The following TYW5 variants were observed in gnomAD, a reference collection of about 807,000 sequenced individuals.
The protein encoded by TYW5 is tRNA wybutosine-synthesizing protein 5.
TYW5 carries 36 observed loss-of-function variants against 44.4 expected under a neutral mutation model. The observed-to-expected ratio is 0.81, with a 90% CI of 0.62 to 1.07. The LOEUF (loss-of-function observed/expected upper bound fraction) is 1.07. Among genes scored for constraint, TYW5 ranks in the 50% least tolerant of loss-of-function variants. TYW5 has a pLI of 0.00. For synonymous variants in TYW5, 121 were observed against 128.1 expected (o/e 0.94, Z 0.37); for missense variants, 354 against 365.7 (o/e 0.97, Z 0.26).
In TYW5 at chr2:199,941,898, C is replaced by T. The variant is rs574748303; in HGVS notation, c.304-1765G>A. 9.2e-5 allele frequency among the ~76,000 whole-genome samples: 14 copies of T among 152,226 alleles called. No homozygotes were observed. The South Asian group carries it at 2.7e-3, about 29-fold the overall frequency. On this transcript the variant is annotated intron_variant, in intron 3 of 7. Transcript: ENST00000354611. ...TGGTAAAAGACCTAGACATTGCCAC[C>T]CAATGCAGGACTTTTCTCATAGGCA...
chr2:199,938,286 G>A (rs62180461), intron 5 of TYW5, among the ~76,000 whole-genome samples: 4 of 151,916 alleles, frequency 2.6e-5, no homozygotes, highest in Non-Finnish European at 4.4e-5. Context: ...GGATGGTCTC[G>A]ATCTCCTGAC....
intron 1 of TYW5, 63 bp downstream of exon 1, chr2:199,955,330 C>A: frequency 6.4e-7 from 1 of 1,571,214 alleles, no homozygotes. Context: ...TCCCAGCTGT[C>A]CGAAAGGTAA....
chr2:199,941,080 G>A (rs1265545515), intron 3 of TYW5, among the ~76,000 whole-genome samples: 2 of 152,112 alleles, frequency 1.3e-5, no homozygotes, highest in Admixed American at 6.5e-5. Context: ...ATTGTTTTGA[G>A]ACAGGGACTC....
In TYW5 at chr2:199,938,943, G is replaced by C; in HGVS notation, c.476C>G (p.Thr159Ser). Residue 159 changes from threonine to serine, a missense_variant, in exon 5 of 8, where the codon ACT (threonine) becomes AGT (serine). Transcript: ENST00000354611. ...RISSPGLQLWTHYDVMDNLLI... is the reference protein window; with the variant it reads ...RISSPGLQLWSHYDVMDNLLI... ...ATTTATGTAGCATACATCATAATGA[G>C]TCCATAGTTGTAATCCTGGTGAACT... The C allele has an allele frequency of 6.2e-7, 1 of 1,609,694 alleles. No individual in the cohort carries two copies. The highest frequency in any genetic ancestry group is 8.5e-7 in the Non-Finnish European group (1 of 1,178,742).
intron 6 of TYW5, 86 bp downstream of exon 6, chr2:199,936,319 G>T: frequency 2.6e-6 from 3 of 1,171,026 alleles, no homozygotes; most frequent in Non-Finnish European, 2.5e-6. Flanking sequence ...GTACTGAAGT[G>T]TTCTTTTCCT....
intron 5 of TYW5, among the ~76,000 whole-genome samples, chr2:199,936,811 A>T (rs1401921559): frequency 1.3e-5 from 2 of 152,220 alleles, no homozygotes; most frequent in African/African-American, 4.8e-5. Context: ...AATATTTACT[A>T]TCTGTTAAGG....
Position 199,950,005 on chromosome 2 carries a change from C to T in TYW5, c.79-1533G>A, listed in dbSNP as rs79278516. On this transcript the variant is annotated intron_variant, in intron 1 of 7. Transcript: ENST00000354611. Reference sequence around the variant, plus strand: ...CTTACATTATGGCAAAAAAAAAGAACCCGACGTCTTTTATACTTTCTCTGC... The same window carrying T: ...CTTACATTATGGCAAAAAAAAAGAATCCGACGTCTTTTATACTTTCTCTGC... 2.5e-3 allele frequency among the ~76,000 whole-genome samples: 387 copies of T among 152,146 alleles called. 2 individuals are homozygous for T. The highest frequency in any genetic ancestry group is 3.9e-3 in the Non-Finnish European group (267 of 67,992).
chr2:199,938,674 A>G (rs997151740), intron 5 of TYW5, among the ~76,000 whole-genome samples: 6 of 152,218 alleles, frequency 3.9e-5, no homozygotes, highest in African/African-American at 1.4e-4. Flanking sequence ...ATCACTTCAC[A>G]AAACTTGGTA....
chr2:199,929,663 T>G lies in TYW5; in HGVS notation c.*3404A>C, dbSNP rs2077358747. ...TCTTTCCAAATGTTCACATAGCTGC[T>G]GTTCAAAAGGATGAAGGATACAAAT... is the stretch of plus-strand genomic sequence containing the variant. On this transcript the variant is annotated 3_prime_UTR_variant, in exon 8 of 8. Coordinates refer to ENST00000354611, the MANE Select transcript of TYW5 (RefSeq NM_001039693.3). 1.3e-5 allele frequency among the ~76,000 whole-genome samples: 2 copies of G among 152,012 alleles called. No individual in the cohort carries two copies. Among genetic ancestry groups the G allele is most frequent in the African/African-American group, 4.8e-5 (2 of 41,382 alleles).
chr2:199,953,743 C>G (rs570846812), intron 1 of TYW5, among the ~76,000 whole-genome samples: 2 of 152,120 alleles, frequency 1.3e-5, no homozygotes, highest in Non-Finnish European at 2.9e-5. Flanking sequence ...ATAGAAAGGT[C>G]TTTTTTTCCA....
Position 199,932,821 on chromosome 2 carries a change from A to G in TYW5, c.*246T>C. ...GATTTCATGTATTGTGAATCAATAT[A>G]TTTTCTTACTGTTTTTAAGTCATTT... On this transcript the variant is annotated 3_prime_UTR_variant, in exon 8 of 8. Coordinates refer to ENST00000354611, the MANE Select transcript of TYW5 (RefSeq NM_001039693.3). The G allele has an allele frequency of 2.1e-6, 1 of 474,010 alleles. No homozygotes were observed. The highest frequency in any genetic ancestry group is 5.7e-4 in the Middle Eastern group (1 of 1,766). The allele number at this position is 474,010 out of a possible 1,614,324, so 29.4% of individuals were successfully genotyped here.
intron 3 of TYW5, chr2:199,943,516 A>C: frequency 2.8e-6 from 1 of 351,152 alleles, no homozygotes; most frequent in Non-Finnish European, 5.1e-6. Context: ...CCTCACAAAC[A>C]CTTTATAAAA....
chr2:199,954,761 A>G lies in TYW5; in HGVS notation c.78+632T>C, dbSNP rs538210198. On this transcript the variant is annotated intron_variant, in intron 1 of 7. Transcript: ENST00000354611. ...ATTCTATGACCACCCTTATAAATGT[A>G]AATATCAGGTAAGAAAATTGCTGGG... 3.3e-5 allele frequency among the ~76,000 whole-genome samples: 5 copies of G among 152,308 alleles called. No homozygotes were observed. In the East Asian group the frequency reaches 9.6e-4, roughly 29 times the overall value.
intron 5 of TYW5, among the ~76,000 whole-genome samples, chr2:199,937,453 A>G (rs2077429174): frequency 6.6e-6 from 1 of 151,934 alleles, no homozygotes; most frequent in African/African-American, 2.4e-5. Flanking sequence ...ACTTGAAGCC[A>G]GGAGTTTGAG....
At position 199,936,422 on chromosome 2, in the gene TYW5, T is replaced by C. The variant is rs1195442888; in HGVS notation, c.557A>G (p.Gln186Arg). The C allele has an allele frequency of 1.9e-6, 3 of 1,612,892 alleles. No individual in the cohort carries two copies. Among genetic ancestry groups the C allele is most frequent in the Non-Finnish European group, 2.5e-6 (3 of 1,179,584 alleles). The part of the protein sequence containing the change: ...RVVLFSPRDA[Q>R]YLYLKGTKSE... ...TCCCATACCTTTTAAATATAAATAC[T>C]GGGCATCTCGAGGACTGAAGAGTAC... is the stretch of plus-strand genomic sequence containing the variant. Residue 186 changes from glutamine to arginine, a missense_variant, in exon 6 of 8, where the codon CAG becomes CGG. Gln to Arg is a conservative substitution (Grantham distance 43). Transcript: ENST00000354611.
intron 2 of TYW5, 157 bp from the exon 3 acceptor site, chr2:199,943,991 T>C (rs2077485837): frequency 1.9e-6 from 1 of 537,174 alleles, no homozygotes; most frequent in African/African-American, 1.9e-5. Flanking sequence ...AATTCTAACT[T>C]TTCAAAACTT....
intron 5 of TYW5, 82 bp downstream of exon 5, chr2:199,938,851 A>G: frequency 7.1e-7 from 1 of 1,404,560 alleles, no homozygotes; most frequent in South Asian, 1.5e-5. Flanking sequence ...AGGGTAACCT[A>G]TAGGAAGTTG....
intron 1 of TYW5, among the ~76,000 whole-genome samples, chr2:199,953,442 G>C (rs376693881): frequency 6.6e-6 from 1 of 152,192 alleles, no homozygotes; most frequent in African/African-American, 2.4e-5. Flanking sequence ...GGGCAGAAAG[G>C]ACATGAGAAA....
intron 1 of TYW5, among the ~76,000 whole-genome samples, chr2:199,951,841 C>T (rs368848647): frequency 6.6e-6 from 1 of 151,964 alleles, no homozygotes; most frequent in African/African-American, 2.4e-5. Context: ...ACAGTGAAAC[C>T]CCATCTCTAC....
Sources: gnomAD v4.1 joint callset for allele counts (sites outside exome capture counted in the v4.1 genomes callset) on GRCh38, gnomAD v4.1.1 for gene constraint, MANE v1.5 for transcripts, NCBI Gene and HGNC (gene_info 2026-07-23, HGNC 2026-07-21) for gene names.